LEF1: variants seen among roughly 807,000 people sequenced by gnomAD.
The protein encoded by LEF1 is lymphoid enhancer binding factor 1.
In LEF1, 14 loss-of-function variants were observed where a neutral mutation model predicts 51.2. The observed-to-expected ratio is 0.27, with a 90% CI of 0.18 to 0.43. The LOEUF is 0.43. LEF1 is among the 20% of genes least tolerant of loss of function. The pLI, the probability that LEF1 is intolerant of heterozygous loss-of-function variation, is 1.00. For synonymous variants in LEF1, 185 were observed against 183.2 expected (o/e 1.01, Z -0.08); for missense variants, 386 against 512.0 (o/e 0.75, Z 2.37).
chr4:108,111,707 T>A (rs1741543859), intron 3 of LEF1, among the ~76,000 whole-genome samples: 1 of 151,702 alleles, frequency 6.6e-6, no homozygotes, highest in Non-Finnish European at 1.5e-5. Context: ...AGCTCAGGAG[T>A]TCGAAACCAG....
intron 5 of LEF1, among the ~76,000 whole-genome samples, chr4:108,082,856 A>G (rs1361602309): frequency 6.6e-6 from 1 of 152,212 alleles, no homozygotes; most frequent in Non-Finnish European, 1.5e-5. Context: ...GTTTTTTACT[A>G]CTCTGAACTC....
At chr4:108,048,793 C>T (rs750375033) in intron 11 of LEF1, 42 bp from the exon 12 acceptor site, 38 of 1,447,702 alleles carry the variant, frequency 2.6e-5, no homozygotes, top group Admixed American at 5.6e-5. Context: ...ATGAATTTGC[C>T]GTAGGCCTTA....
At chr4:108,049,102 C>T (rs749022853) in intron 11 of LEF1, among the ~76,000 whole-genome samples, 2 of 152,180 alleles carry the variant, frequency 1.3e-5, no homozygotes, top group Admixed American at 1.3e-4. Flanking sequence ...ACAGCCAGAT[C>T]AGGGAAAGAT....
rs934688077 is a variant in LEF1, at chr4:108,047,605, T to A, written c.*1153A>T. 1 of 152,504 alleles carries A rather than the reference T, an allele frequency of 6.6e-6. No individual in the cohort carries two copies. 9.4% of individuals were successfully genotyped at this position (152,504 alleles called of 1,614,324 possible). On this transcript the variant is annotated 3_prime_UTR_variant, in exon 12 of 12. Transcript: ENST00000265165. ...TTCTTTTAAAAAAATGCTCAGCACA[T>A]TAACTCAAACTGGAATGACAAACGT...
At chr4:108,127,773 T>C (rs1742638326) in intron 3 of LEF1, among the ~76,000 whole-genome samples, 1 of 152,202 alleles carries the variant, frequency 6.6e-6, no homozygotes, top group Non-Finnish European at 1.5e-5. Context: ...CAGGGGGGTA[T>C]GTAGCTTGTA....
Position 108,079,523 on chromosome 4 carries a change from G to A in LEF1, c.814C>T (p.His272Tyr), listed in dbSNP as rs746081744. The change falls in exon 7 of 12, where the codon CAT (histidine) becomes TAT (tyrosine). Residue 272 changes from histidine (H) to tyrosine (Y), a missense_variant. By Grantham distance (83) the His-to-Tyr change is moderately conservative. Coordinates refer to ENST00000265165, the MANE Select transcript of LEF1 (RefSeq NM_016269.5). ...AIVTPQVKQE[H>Y]PHTDSDLMHV... The stretch of plus-strand genomic sequence containing the variant: ...ATTAGGTCACTGTCAGTGTGGGGAT[G>A]TTCCTGTTTGACCTGAGGTGTTACA... 3.7e-6 allele frequency: 6 copies of A among 1,614,118 alleles called. No homozygotes were observed. The highest frequency in any genetic ancestry group is 5.1e-6 in the Non-Finnish European group (6 of 1,179,996).
chr4:108,149,506 T>A (rs1395322551), intron 3 of LEF1, among the ~76,000 whole-genome samples: 1 of 149,468 alleles, frequency 6.7e-6, no homozygotes, highest in Admixed American at 6.7e-5. Flanking sequence ...TAACACGGTT[T>A]CATTGTAGTG....
At position 108,061,910 on chromosome 4, in the gene LEF1, A is replaced by G. The variant is rs935181882; in HGVS notation, c.*6+1713T>C. Among the ~76,000 whole-genome samples, 4 of 152,250 alleles carry G rather than the reference A, an allele frequency of 2.6e-5. No homozygotes were observed. The South Asian group carries it at 6.2e-4, about 24-fold the overall frequency. On this transcript the variant is annotated intron_variant, in intron 11 of 11. Transcript: ENST00000265165. ...TCAGTATTAGTTTAGAAGAATTTTGATATCATAAAACTACAGTGATGGGAT... is the reference window on the plus strand; with the variant it reads ...TCAGTATTAGTTTAGAAGAATTTTGGTATCATAAAACTACAGTGATGGGAT...
intron 1 of LEF1, among the ~76,000 whole-genome samples, chr4:108,165,466 T>C (rs1394508970): frequency 6.6e-6 from 1 of 152,252 alleles, no homozygotes; most frequent in African/African-American, 2.4e-5. Context: ...TATTAAACCA[T>C]ATCAAGGCTC....
In LEF1 at chr4:108,123,429, T is replaced by G. The variant is rs1742298639; in HGVS notation, c.415-34172A>C. The stretch of plus-strand genomic sequence containing the variant: ...TTGGGACCCCAGCTTTCTGCTAGGG[T>G]TGGTTTTTTTTTTTTTTTTTTTTTT... On this transcript the variant is annotated intron_variant, in intron 3 of 11. Coordinates refer to ENST00000265165, the MANE Select transcript of LEF1 (RefSeq NM_016269.5). Among the ~76,000 whole-genome samples, 20 of 131,756 alleles carry G rather than the reference T, an allele frequency of 1.5e-4. 1 individual carries two copies. In the South Asian group the frequency reaches 4.7e-3, roughly 31 times the overall value. The allele number at this position is 131,756 out of a possible 152,430, so 86.4% of individuals were successfully genotyped here.
chr4:108,147,193 C>T (rs1170131909), intron 3 of LEF1, among the ~76,000 whole-genome samples: 1 of 151,754 alleles, frequency 6.6e-6, no homozygotes, highest in Non-Finnish European at 1.5e-5. Flanking sequence ...CATGGCTAGT[C>T]AATGACTTGC....
chr4:108,053,893 C>T (rs543553324), intron 11 of LEF1, among the ~76,000 whole-genome samples: 1 of 152,328 alleles, frequency 6.6e-6, no homozygotes, highest in East Asian at 1.9e-4. Flanking sequence ...ATCTACTCAC[C>T]TCCAAACGCT....
intron 3 of LEF1, among the ~76,000 whole-genome samples, chr4:108,114,282 A>G (rs1741707066): frequency 6.6e-6 from 1 of 152,206 alleles, no homozygotes; most frequent in African/African-American, 2.4e-5. Flanking sequence ...AGTCAAGTAA[A>G]GGAATCTGTA....
chr4:108,099,530 ATATATGTGTATATGTG>A (rs1740614986), intron 3 of LEF1, among the ~76,000 whole-genome samples: 1 of 123,708 alleles, frequency 8.1e-6, no homozygotes, highest in Non-Finnish European at 1.7e-5. Context: ...ATATATATAT[ATATATGTGTATATGTG>A]TGTGTGTGTA....
At chr4:108,048,868 G>A in intron 11 of LEF1, 117 bp from the exon 12 acceptor site, 1 of 630,142 alleles carries the variant, frequency 1.6e-6, no homozygotes, top group East Asian at 3.2e-5. Context: ...AATCCATTTT[G>A]TTAATTTGGG....
At chr4:108,070,224 G>A (rs1738373686) in intron 9 of LEF1, among the ~76,000 whole-genome samples, 1 of 151,800 alleles carries the variant, frequency 6.6e-6, no homozygotes, top group African/African-American at 2.4e-5. Flanking sequence ...ACAGATAAAT[G>A]CTTTTTATAT....
chr4:108,126,804 C>CAAAAAA (rs11329450), intron 3 of LEF1, among the ~76,000 whole-genome samples: 2 of 97,310 alleles, frequency 2.1e-5, no homozygotes, highest in Non-Finnish European at 3.7e-5. Context: ...GACTTTCTCT[C>CAAAAAA]AAAAAAAAAA....
intron 11 of LEF1, among the ~76,000 whole-genome samples, chr4:108,060,815 T>A (rs1560758448): frequency 6.6e-6 from 1 of 152,050 alleles, no homozygotes; most frequent in Non-Finnish European, 1.5e-5. Flanking sequence ...CCTTCTTTGC[T>A]CCATCCAACA....
intron 3 of LEF1, among the ~76,000 whole-genome samples, chr4:108,092,387 C>A (rs1740081759): frequency 6.6e-6 from 1 of 152,190 alleles, no homozygotes; most frequent in Admixed American, 6.6e-5. Context: ...TTGCTTCCTG[C>A]CAACCATCTC....
Sources: gnomAD v4.1 joint callset for allele counts (sites outside exome capture counted in the v4.1 genomes callset) on GRCh38, gnomAD v4.1.1 for gene constraint, MANE v1.5 for transcripts, NCBI Gene and HGNC (gene_info 2026-07-23, HGNC 2026-07-21) for gene names.